PDE9A: variants seen among roughly 807,000 people sequenced by gnomAD.
The protein encoded by PDE9A is phosphodiesterase 9A.
PDE9A carries 60 observed loss-of-function variants against 87.4 expected under a neutral mutation model. The ratio of observed to expected loss-of-function variants is 0.69; its 90% CI spans 0.56 to 0.85. The LOEUF is 0.85. PDE9A is among the 40% of genes least tolerant of loss of function. The probability of loss-of-function intolerance (pLI) is 0.00; values close to 1 mark genes in which losing one functional copy is unlikely to be tolerated. For synonymous variants in PDE9A, 272 were observed against 279.4 expected (o/e 0.97, Z 0.27); for missense variants, 665 against 779.0 (o/e 0.85, Z 1.74).
chr21:42,653,881 A>G lies in PDE9A; in HGVS notation c.67A>G (p.Lys23Glu). The change falls in exon 1 of 20, where the codon AAG becomes GAG. Residue 23 changes from lysine (K) to glutamate (E), a missense_variant and splice_region_variant. Lys to Glu is a moderately conservative substitution (Grantham distance 56, BLOSUM62 1). Coordinates refer to ENST00000291539, the MANE Select transcript of PDE9A (RefSeq NM_002606.3). Reference sequence around the variant, plus strand: ...CCTGGACATCGATGGACGCATTCAGAAGGTAGCCCCTCCCCCACCCAGACA... The same window carrying G: ...CCTGGACATCGATGGACGCATTCAGGAGGTAGCCCCTCCCCCACCCAGACA... ...IYLDIDGRIQ[K>E]VIFSKYCNSS... The G allele has an allele frequency of 2.6e-6, 4 of 1,544,920 alleles. No individual in the cohort carries two copies. The highest frequency in any genetic ancestry group is 3.5e-6 in the Non-Finnish European group (4 of 1,141,388).
Position 42,675,635 on chromosome 21 carries a change from C to T in PDE9A, c.70-10557C>T, listed in dbSNP as rs561273911. Among the ~76,000 whole-genome samples, 1 of 152,324 alleles carries T rather than the reference C, an allele frequency of 6.6e-6. No individual in the cohort carries two copies. Among genetic ancestry groups the T allele is most frequent in the South Asian group, 2.1e-4 (1 of 4,832 alleles). On this transcript the variant is annotated intron_variant, in intron 1 of 19. Transcript: ENST00000291539. This position sits in a 1 kb window ranked among gnomAD's most constrained non-coding sequence, Gnocchi z 4.3. ...CAGCCTCACTGCCTCTGCGTTAGTG[C>T]CGCCACTTCATCTCAGATACTCTCC...
intron 8 of PDE9A, among the ~76,000 whole-genome samples, chr21:42,748,230 C>G (rs1298782475): frequency 1.3e-5 from 2 of 152,192 alleles, no homozygotes; most frequent in Non-Finnish European, 2.9e-5. Context: ...TTTAACTACG[C>G]AGAAAACGTT....
Position 42,716,785 on chromosome 21 carries a change from C to T in PDE9A, c.263-14985C>T, listed in dbSNP as rs537567649. 3.7e-4 allele frequency among the ~76,000 whole-genome samples: 46 copies of T among 123,842 alleles called. 1 individual carries two copies. The highest frequency in any genetic ancestry group is 5.9e-3 in the Middle Eastern group (1 of 170). The allele number at this position is 123,842 out of a possible 152,430, so 81.2% of individuals were successfully genotyped here. On this transcript the variant is annotated intron_variant, in intron 4 of 19. Coordinates refer to ENST00000291539, the MANE Select transcript of PDE9A (RefSeq NM_002606.3). Reference sequence around the variant, plus strand: ...TTTTTTTTTGAGACGGAGTCTCACTCTCTTGCCCAGGCTGGAGTGCAGTAG... The same window carrying T: ...TTTTTTTTTGAGACGGAGTCTCACTTTCTTGCCCAGGCTGGAGTGCAGTAG...
In PDE9A at chr21:42,694,187, G is replaced by C. The variant is rs940444004; in HGVS notation, c.219-4781G>C. Among the ~76,000 whole-genome samples the C allele has an allele frequency of 3.9e-5, 6 of 152,202 alleles. No individual in the cohort carries two copies. The highest frequency in any genetic ancestry group is 3.3e-4 in the Admixed American group (5 of 15,288). On this transcript the variant is annotated intron_variant, in intron 3 of 19. Transcript: ENST00000291539. The surrounding 1 kb of genome is among the most constrained non-coding windows in gnomAD (Gnocchi z 5.3). ...TCCCTCTAGCTCAGAAGCTACGTCAGCAGTTGGTTGGTTGGTTGGTTGGTG... is the reference window on the plus strand; with the variant it reads ...TCCCTCTAGCTCAGAAGCTACGTCACCAGTTGGTTGGTTGGTTGGTTGGTG...
intron 4 of PDE9A, among the ~76,000 whole-genome samples, chr21:42,699,337 G>A (rs1260687885): frequency 3.3e-5 from 5 of 152,096 alleles, no homozygotes; most frequent in South Asian, 2.1e-4. Context: ...GTCTATGGCC[G>A]TTCCATTGGC....
At chr21:42,703,110 T>A (rs2048508945) in intron 4 of PDE9A, among the ~76,000 whole-genome samples, 1 of 152,222 alleles carries the variant, frequency 6.6e-6, no homozygotes, top group Non-Finnish European at 1.5e-5. Flanking sequence ...GACAAGCTTT[T>A]TCCTAAGTGG....
chr21:42,670,054 C>G (rs2058306925), intron 1 of PDE9A, among the ~76,000 whole-genome samples: 1 of 152,104 alleles, frequency 6.6e-6, no homozygotes, highest in South Asian at 2.1e-4. Context: ...CACACACACA[C>G]TTACACATTC....
intron 4 of PDE9A, among the ~76,000 whole-genome samples, chr21:42,729,683 T>G (rs1186872688): frequency 2.0e-5 from 3 of 152,228 alleles, no homozygotes; most frequent in African/African-American, 7.2e-5. Flanking sequence ...GTCCCACAGC[T>G]AAGTTTTGTG....
chr21:42,751,994 G>T (rs574417952), intron 9 of PDE9A, among the ~76,000 whole-genome samples: 1 of 151,586 alleles, frequency 6.6e-6, no homozygotes, highest in Admixed American at 6.6e-5. Context: ...CAGGTGATCC[G>T]CCTGCCTCGG....
Position 42,685,913 on chromosome 21 carries a change from G to A in PDE9A, c.70-279G>A, listed in dbSNP as rs531694512. Among the ~76,000 whole-genome samples, 366 of 152,254 alleles carry A rather than the reference G, an allele frequency of 2.4e-3. 1 individual carries two copies. Among genetic ancestry groups the A allele is most frequent in the African/African-American group, 4.3e-3 (177 of 41,538 alleles). On this transcript the variant is annotated intron_variant, in intron 1 of 19. Transcript: ENST00000291539. ...CTGCCTGGCCCCTTCCGAGGGATGC[G>A]CCTTCACCATAACCATGTCACGGAC...
intron 3 of PDE9A, chr21:42,697,599 G>A (rs2060214815): frequency 3.8e-6 from 3 of 788,238 alleles, no homozygotes; most frequent in Admixed American, 3.7e-5. Context: ...GAGTCTGGAG[G>A]CTGAAATCCA....
intron 7 of PDE9A, chr21:42,741,185 C>T (rs942797563): frequency 6.6e-6 from 1 of 152,212 alleles, no homozygotes. Flanking sequence ...TCAGTGTCCA[C>T]GTGGCAAATC....
At chr21:42,748,456 T>G (rs1254683017) in intron 8 of PDE9A, among the ~76,000 whole-genome samples, 1 of 152,214 alleles carries the variant, frequency 6.6e-6, no homozygotes, top group East Asian at 1.9e-4. Flanking sequence ...GGAGCGGTGG[T>G]TATCACGGGG....
At chr21:42,666,624 C>T (rs1475169925) in intron 1 of PDE9A, among the ~76,000 whole-genome samples, 1 of 152,128 alleles carries the variant, frequency 6.6e-6, no homozygotes, top group Non-Finnish European at 1.5e-5. Flanking sequence ...TTCCTGAGGC[C>T]TCTCCTGGGC....
intron 9 of PDE9A, 117 bp downstream of exon 9, chr21:42,751,314 A>T: frequency 1.3e-6 from 1 of 773,568 alleles, no homozygotes; most frequent in Non-Finnish European, 2.3e-6. Context: ...CGCCCCTCCC[A>T]GCCCTGGGCC....
intron 1 of PDE9A, among the ~76,000 whole-genome samples, chr21:42,654,622 G>A (rs1052310736): frequency 2.0e-5 from 3 of 152,152 alleles, no homozygotes; most frequent in Non-Finnish European, 4.4e-5. Context: ...CCTCAGCTGG[G>A]CGTTTCAGGA....
chr21:42,672,977 A>G (rs1279243430), intron 1 of PDE9A, among the ~76,000 whole-genome samples: 1 of 152,192 alleles, frequency 6.6e-6, no homozygotes, highest in African/African-American at 2.4e-5. Context: ...CTTGCTTGCG[A>G]AACAGCCTTT....
chr21:42,725,654 C>T (rs768103361), intron 4 of PDE9A, among the ~76,000 whole-genome samples: 3 of 152,308 alleles, frequency 2.0e-5, no homozygotes, highest in Non-Finnish European at 4.4e-5. Context: ...GGCATCCATC[C>T]GGGTTGTCGC....
chr21:42,718,158 C>T (rs2050140421), intron 4 of PDE9A, among the ~76,000 whole-genome samples: 1 of 151,766 alleles, frequency 6.6e-6, no homozygotes, highest in Admixed American at 6.6e-5. Flanking sequence ...ACCTCGGGCT[C>T]CCAAAGTGCT....
Sources: allele counts gnomAD v4.1 joint callset (sites outside exome capture counted in the v4.1 genomes callset), GRCh38; gene constraint gnomAD v4.1.1; non-coding constraint Gnocchi (gnomAD v3.1); transcripts MANE v1.5; gene names NCBI Gene and HGNC (gene_info 2026-07-23, HGNC 2026-07-21).